Variants in FOXP2 observed in about 807,000 individuals in gnomAD.
The protein encoded by FOXP2 is forkhead box protein P2.
In FOXP2, 12 loss-of-function variants were observed where a neutral mutation model predicts 115.8. The observed-to-expected ratio is 0.10, with a 90% confidence interval of 0.07 to 0.17. The LOEUF is 0.17. Ranked by LOEUF, FOXP2 falls within the 10% of genes least tolerant of loss-of-function variation. FOXP2 has a pLI of 1.00. For synonymous variants in FOXP2, 328 were observed against 297.7 expected (o/e 1.10, Z -1.05); for missense variants, 629 against 843.5 (o/e 0.75, Z 3.15).
intron 2 of FOXP2, among the ~76,000 whole-genome samples, chr7:114,501,186 G>T (rs1472886084): frequency 1.3e-5 from 2 of 152,130 alleles, no homozygotes; most frequent in African/African-American, 4.8e-5. Flanking sequence ...GGTATCATTA[G>T]AAGTTCATCA....
rs1355467891 is a variant in FOXP2, at chr7:114,256,624, C to T, written c.-101-31395C>T. On this transcript the variant is annotated intron_variant, in intron 1 of 17. Transcript: ENST00000634411. ...AGGCCATTTTCAGATGGATAGTTTGCAAACATATTTTACCCATTCTGTGGG... is the reference window on the plus strand; with the variant it reads ...AGGCCATTTTCAGATGGATAGTTTGTAAACATATTTTACCCATTCTGTGGG... 2.0e-5 allele frequency among the ~76,000 whole-genome samples: 3 copies of T among 152,280 alleles called. No homozygotes were observed. In the East Asian group the frequency reaches 5.8e-4, roughly 29 times the overall value.
chr7:114,278,650 A>T (rs1040889985), intron 1 of FOXP2, among the ~76,000 whole-genome samples: 5 of 152,188 alleles, frequency 3.3e-5, no homozygotes, highest in African/African-American at 1.2e-4. Flanking sequence ...CACCGCACTG[A>T]CCTATTTTAC....
At chr7:114,189,788 GGT>G (rs1195575918) in intron 1 of FOXP2, among the ~76,000 whole-genome samples, 2 of 152,106 alleles carry the variant, frequency 1.3e-5, no homozygotes, top group Admixed American at 1.3e-4. Flanking sequence ...GAGATCACTA[GGT>G]GCCCGGTGGT....
intron 1 of FOXP2, among the ~76,000 whole-genome samples, chr7:114,115,782 T>C (rs1251662744): frequency 6.6e-6 from 1 of 152,142 alleles, no homozygotes; most frequent in Non-Finnish European, 1.5e-5. Flanking sequence ...TCTCTGTGCC[T>C]CCACTCAACC....
intron 9 of FOXP2, chr7:114,653,471 A>AG (rs774179937): frequency 8.2e-6 from 2 of 244,252 alleles, no homozygotes; most frequent in Non-Finnish European, 1.6e-5. Flanking sequence ...GGCAGATTGC[A>AG]GGGGGCACTA....
rs1045635336 is a variant in FOXP2 at position 114,452,981 on chromosome 7, C to T, written c.168+26302C>T. Among the ~76,000 whole-genome samples the T allele has an allele frequency of 2.0e-5, 3 of 152,178 alleles. No homozygotes were observed. In the South Asian group the frequency reaches 6.2e-4, roughly 32 times the overall value. On this transcript the variant is annotated intron_variant, in intron 2 of 16. Coordinates refer to ENST00000350908, the MANE Select transcript of FOXP2 (RefSeq NM_014491.4). ...AATTAAACTGTTTAATAACAAATCACTTTAAAAATACTTGTCTATTTGTTA... is the reference window on the plus strand; with the variant it reads ...AATTAAACTGTTTAATAACAAATCATTTTAAAAATACTTGTCTATTTGTTA...
intron 1 of FOXP2, among the ~76,000 whole-genome samples, chr7:114,121,733 G>A (rs2129143811): frequency 6.6e-6 from 1 of 152,216 alleles, no homozygotes; most frequent in East Asian, 1.9e-4. Context: ...GACCTGAGTT[G>A]TTTAGTTAAG....
At chr7:114,619,601 T>C (rs1250533788) in intron 3 of FOXP2, among the ~76,000 whole-genome samples, 1 of 152,084 alleles carries the variant, frequency 6.6e-6, no homozygotes, top group Admixed American at 6.6e-5. Flanking sequence ...ATTTATGAAA[T>C]GTATTAGGCC....
chr7:114,153,078 G>A (rs149316098), intron 1 of FOXP2, among the ~76,000 whole-genome samples: 1 of 152,268 alleles, frequency 6.6e-6, no homozygotes, highest in Non-Finnish European at 1.5e-5. Context: ...TTGTCAAATA[G>A]TAATGTAAGT....
chr7:114,264,838 A>AAG (rs1460251274), intron 1 of FOXP2, among the ~76,000 whole-genome samples: 2 of 152,128 alleles, frequency 1.3e-5, no homozygotes, highest in African/African-American at 2.4e-5. Context: ...AAGCAAGAGC[A>AAG]AGAGAGAGAG....
chr7:114,434,598 A>G (rs1794259167), intron 2 of FOXP2, among the ~76,000 whole-genome samples: 1 of 151,902 alleles, frequency 6.6e-6, no homozygotes, highest in Non-Finnish European at 1.5e-5. Flanking sequence ...TAGTAAAGAA[A>G]ATTTACGCTA....
In FOXP2 at chr7:114,553,578, A is replaced by T. The variant is rs544030672; in HGVS notation, c.258+18872A>T. On this transcript the variant is annotated intron_variant, in intron 3 of 16. Coordinates refer to ENST00000350908, the MANE Select transcript of FOXP2 (RefSeq NM_014491.4). ...ATTTTCTTTTCACAATAGAAGATTA[A>T]AGAGAGACAGTTTTGTTGACAGATT... is the stretch of plus-strand genomic sequence containing the variant. Among the ~76,000 whole-genome samples the T allele has an allele frequency of 2.6e-5, 4 of 152,274 alleles. No homozygotes were observed. In the South Asian group the frequency reaches 8.3e-4, roughly 32 times the overall value.
intron 2 of FOXP2, among the ~76,000 whole-genome samples, chr7:114,525,200 A>G (rs972301469): frequency 3.9e-5 from 6 of 152,200 alleles, no homozygotes; most frequent in South Asian, 4.1e-4. Flanking sequence ...GACTAGTATT[A>G]TATATTTCCA....
intron 2 of FOXP2, among the ~76,000 whole-genome samples, chr7:114,483,889 C>T (rs957159022): frequency 3.3e-5 from 5 of 151,690 alleles, no homozygotes; most frequent in African/African-American, 1.2e-4. Flanking sequence ...AGTCCTGGAA[C>T]ATCCTCTCCT....
chr7:114,502,970 A>T (rs1797634994), intron 2 of FOXP2, among the ~76,000 whole-genome samples: 2 of 152,072 alleles, frequency 1.3e-5, no homozygotes, highest in African/African-American at 2.4e-5. Flanking sequence ...CACACCAAAA[A>T]TAATTTTATG....
At chr7:114,347,407 T>G (rs1205739070) in intron 2 of FOXP2, among the ~76,000 whole-genome samples, 1 of 152,014 alleles carries the variant, frequency 6.6e-6, no homozygotes, top group Admixed American at 6.6e-5. Context: ...CTCACTCATT[T>G]TTGCATTTTA....
intron 2 of FOXP2, among the ~76,000 whole-genome samples, chr7:114,443,468 G>T (rs1584741985): frequency 6.6e-6 from 1 of 152,104 alleles, no homozygotes; most frequent in African/African-American, 2.4e-5. Context: ...GTGCAGGTTT[G>T]TTATATGGGT....
intron 16 of FOXP2, chr7:114,669,341 T>C (rs1394369177): frequency 2.0e-5 from 3 of 152,124 alleles, no homozygotes; most frequent in Non-Finnish European, 4.4e-5. Flanking sequence ...CTTCTTTGAC[T>C]GTTTTGACTC....
chr7:114,570,935 C>T (rs375630975), intron 3 of FOXP2: 1 of 1,432,328 alleles, frequency 7.0e-7, no homozygotes, highest in Non-Finnish European at 9.9e-7. Context: ...GGCCATGGAC[C>T]CAGTCCCACT....
Sources: allele counts gnomAD v4.1 joint callset (sites outside exome capture counted in the v4.1 genomes callset), GRCh38; gene constraint gnomAD v4.1.1; transcripts MANE v1.5; gene names NCBI Gene and HGNC (gene_info 2026-07-23, HGNC 2026-07-21).